Variants in CADM2 observed in about 807,000 individuals in gnomAD.
The protein encoded by CADM2 is immunoglobulin superfamily member 4D.
In CADM2, 12 loss-of-function variants were observed where a neutral mutation model predicts 49.8. That is an observed-to-expected ratio of 0.24 (90% CI 0.15 to 0.39). The LOEUF (loss-of-function observed/expected upper bound fraction) is 0.39, where lower values mean the gene tolerates loss of function less well. Among genes scored for constraint, CADM2 ranks in the 10% least tolerant of loss-of-function variants. CADM2 has a pLI of 1.00. For synonymous variants in CADM2, 214 were observed against 175.4 expected, an observed-to-expected ratio of 1.22 and a Z score of -1.74; for missense variants, 378 against 492.3, an observed-to-expected ratio of 0.77 and a Z score of 2.20.
chr3:85,808,424 T>A (rs530897733), intron 3 of CADM2, among the ~76,000 whole-genome samples: 1 of 152,094 alleles, frequency 6.6e-6, no homozygotes, highest in Admixed American at 6.6e-5. Flanking sequence ...ACCACATAAA[T>A]GCTGTGTGGT....
At chr3:85,927,994 T>A (rs1003347385) in intron 6 of CADM2, among the ~76,000 whole-genome samples, 1 of 152,142 alleles carries the variant, frequency 6.6e-6, no homozygotes, top group Non-Finnish European at 1.5e-5. Flanking sequence ...AGAAGCTTCA[T>A]CACAGGTCTT....
chr3:85,343,252 T>C (rs999010247), intron 1 of CADM2, among the ~76,000 whole-genome samples: 1 of 152,142 alleles, frequency 6.6e-6, no homozygotes, highest in African/African-American at 2.4e-5. Context: ...ATTCATTTTA[T>C]CCTCACAACA....
intron 7 of CADM2, among the ~76,000 whole-genome samples, chr3:85,943,035 T>C (rs1171499723): frequency 2.6e-5 from 4 of 152,122 alleles, no homozygotes; most frequent in Admixed American, 2.6e-4. Flanking sequence ...TTCTAACTGG[T>C]GTGAGATGGT....
At chr3:85,939,468 A>ACACACAC (rs1553710489) in intron 7 of CADM2, among the ~76,000 whole-genome samples, 68 of 137,076 alleles carry the variant, frequency 5.0e-4, no homozygotes, top group African/African-American at 1.9e-3. Flanking sequence ...AGTAAACGAA[A>ACACACAC]ACACACACAC....
chr3:85,500,653 G>A (rs2040077748), intron 1 of CADM2, among the ~76,000 whole-genome samples: 1 of 151,908 alleles, frequency 6.6e-6, no homozygotes, highest in African/African-American at 2.4e-5. Context: ...AAGTAGCTAG[G>A]ACTACAGGTG....
At chr3:86,021,623 A>T (rs1048516593) in intron 8 of CADM2, among the ~76,000 whole-genome samples, 1 of 152,188 alleles carries the variant, frequency 6.6e-6, no homozygotes, top group African/African-American at 2.4e-5. Context: ...ACTTAAAAAT[A>T]TTGGATTATT....
At chr3:85,324,517 T>G (rs185897712) in intron 1 of CADM2, among the ~76,000 whole-genome samples, 86 of 152,310 alleles carry the variant, frequency 5.6e-4, no homozygotes, top group Admixed American at 4.6e-3. Flanking sequence ...CCAGACATAC[T>G]AGTGAATTAA....
chr3:85,778,115 T>C (rs372776591), intron 2 of CADM2, among the ~76,000 whole-genome samples: 1 of 152,268 alleles, frequency 6.6e-6, no homozygotes, highest in East Asian at 1.9e-4. Flanking sequence ...GGAAAACATT[T>C]GGAAATGTTT....
intron 1 of CADM2, among the ~76,000 whole-genome samples, chr3:85,405,453 G>A (rs890742231): frequency 1.4e-4 from 21 of 152,098 alleles, no homozygotes; most frequent in Admixed American, 2.6e-4. Flanking sequence ...CGTCAGTGGC[G>A]GAAAAACAAC....
chr3:85,007,610 T>C (rs1418400485), intron 1 of CADM2, among the ~76,000 whole-genome samples: 1 of 152,186 alleles, frequency 6.6e-6, no homozygotes, highest in Non-Finnish European at 1.5e-5. Flanking sequence ...CCATTTTAAA[T>C]AGATACTAAA....
At chr3:85,371,477 A>G (rs1183931294) in intron 1 of CADM2, among the ~76,000 whole-genome samples, 2 of 151,718 alleles carry the variant, frequency 1.3e-5, no homozygotes, top group African/African-American at 4.9e-5. Flanking sequence ...AGGTTACACC[A>G]TACAGCCTAG....
At chr3:85,315,543 G>A (rs1000390270) in intron 1 of CADM2, among the ~76,000 whole-genome samples, 4 of 152,086 alleles carry the variant, frequency 2.6e-5, no homozygotes, top group Non-Finnish European at 5.9e-5. Flanking sequence ...AAATTGTTGA[G>A]GCTGTGCCTG....
intron 1 of CADM2, among the ~76,000 whole-genome samples, chr3:85,544,577 AAAAAAT>A (rs1394083337): frequency 6.6e-6 from 1 of 152,164 alleles, no homozygotes; most frequent in African/African-American, 2.4e-5. Flanking sequence ...ACTCCGTCTC[AAAAAAT>A]AAAAATAAAA....
intron 1 of CADM2, among the ~76,000 whole-genome samples, chr3:85,390,628 G>C (rs1411386136): frequency 6.6e-6 from 1 of 151,804 alleles, no homozygotes; most frequent in Non-Finnish European, 1.5e-5. Context: ...TCCTGTTTTG[G>C]GATCTGACTC....
At chr3:85,403,942 A>G (rs1486772195) in intron 1 of CADM2, among the ~76,000 whole-genome samples, 2 of 152,080 alleles carry the variant, frequency 1.3e-5, no homozygotes, top group Non-Finnish European at 2.9e-5. Context: ...ATTGTGAACA[A>G]GCTGATCAGA....
chr3:85,221,879 G>C (rs2042052631), intron 1 of CADM2, among the ~76,000 whole-genome samples: 1 of 152,032 alleles, frequency 6.6e-6, no homozygotes. Context: ...GATACCGTTT[G>C]AAATCCAAAA....
chr3:85,096,599 T>C (rs1400726409), intron 1 of CADM2, among the ~76,000 whole-genome samples: 11 of 151,980 alleles, frequency 7.2e-5, no homozygotes, highest in Non-Finnish European at 1.5e-5. Context: ...AAAGTATTAG[T>C]ACAGTGAGTT....
chr3:85,943,043 G>A (rs1722149939), intron 7 of CADM2, among the ~76,000 whole-genome samples: 1 of 152,010 alleles, frequency 6.6e-6, no homozygotes. Context: ...GGTGTGAGAT[G>A]GTATCTCATT....
intron 6 of CADM2, among the ~76,000 whole-genome samples, chr3:85,923,954 T>C (rs1174713646): frequency 6.6e-6 from 1 of 152,192 alleles, no homozygotes; most frequent in African/African-American, 2.4e-5. Flanking sequence ...TATATATCCA[T>C]TTTATTCTTA....
Sources: allele counts gnomAD v4.1 joint callset (sites outside exome capture counted in the v4.1 genomes callset), GRCh38; gene constraint gnomAD v4.1.1; transcripts MANE v1.5; gene names NCBI Gene and HGNC (gene_info 2026-07-23, HGNC 2026-07-21).